AKT3: variants seen among roughly 807,000 people sequenced by gnomAD.
The protein encoded by AKT3 is RAC-gamma serine/threonine-protein kinase.
AKT3 carries 15 observed loss-of-function variants against 65.3 expected under a neutral mutation model. The ratio of observed to expected loss-of-function variants is 0.23; its 90% CI spans 0.15 to 0.35. The LOEUF (loss-of-function observed/expected upper bound fraction) is 0.35, where lower values mean the gene tolerates loss of function less well. Among genes scored for constraint, AKT3 ranks in the 10% least tolerant of loss-of-function variants. The probability of loss-of-function intolerance (pLI) is 1.00; values close to 1 mark genes in which losing one functional copy is unlikely to be tolerated. For missense variants in AKT3, 243 were observed against 576.5 expected, an observed-to-expected ratio of 0.42 and a Z score of 5.92; for synonymous variants, 206 against 183.8, an observed-to-expected ratio of 1.12 and a Z score of -0.98.
chr1:243,653,744 A>T (rs1681553244), intron 4 of AKT3, among the ~76,000 whole-genome samples: 1 of 152,178 alleles, frequency 6.6e-6, no homozygotes, highest in South Asian at 2.1e-4. Flanking sequence ...TAATTCTGTT[A>T]CATGTGTTGA....
intron 8 of AKT3, among the ~76,000 whole-genome samples, chr1:243,583,195 T>TATATATACACACACAC (rs759291565): frequency 1.6e-4 from 14 of 88,276 alleles, no homozygotes; most frequent in African/African-American, 6.6e-4. Flanking sequence ...TATATATATA[T>TATATATACACACACAC]ACACACACAC....
At chr1:243,840,729 A>C (rs933595454) in intron 2 of AKT3, among the ~76,000 whole-genome samples, 3 of 150,946 alleles carry the variant, frequency 2.0e-5, no homozygotes, top group Non-Finnish European at 4.4e-5. Flanking sequence ...TTTTTTTTAC[A>C]ACTTATAAAG....
At chr1:243,596,307 G>A (rs1676609650) in intron 8 of AKT3, among the ~76,000 whole-genome samples, 1 of 152,040 alleles carries the variant, frequency 6.6e-6, no homozygotes, top group Non-Finnish European at 1.5e-5. Context: ...AAATGAAAAG[G>A]CAAGCTACAG....
chr1:243,789,450 T>C (rs908856044), intron 2 of AKT3, among the ~76,000 whole-genome samples: 1 of 152,256 alleles, frequency 6.6e-6, no homozygotes, highest in African/African-American at 2.4e-5. Flanking sequence ...TGTTTTATCA[T>C]AATACTGCAA....
chr1:243,784,963 G>C (rs1195646242), intron 2 of AKT3, among the ~76,000 whole-genome samples: 1 of 151,726 alleles, frequency 6.6e-6, no homozygotes, highest in African/African-American at 2.4e-5. Context: ...ACAGTCTCAC[G>C]ATATTGCCCA....
At chr1:243,774,278 G>A (rs917175285) in intron 2 of AKT3, among the ~76,000 whole-genome samples, 3 of 152,076 alleles carry the variant, frequency 2.0e-5, no homozygotes, top group African/African-American at 7.2e-5. Context: ...TTTCCACATA[G>A]TTCCACATTT....
At chr1:243,833,720 C>G (rs1377321490) in intron 2 of AKT3, among the ~76,000 whole-genome samples, 1 of 151,454 alleles carries the variant, frequency 6.6e-6, no homozygotes, top group Non-Finnish European at 1.5e-5. Flanking sequence ...AAAAAAACCA[C>G]AATTATCAAA....
intron 2 of AKT3, among the ~76,000 whole-genome samples, chr1:243,829,885 C>CCCCT (rs1332668786): frequency 2.0e-5 from 3 of 152,274 alleles, no homozygotes; most frequent in African/African-American, 7.2e-5. Context: ...GCACCGAAGG[C>CCCCT]CCCTACAGTG....
intron 2 of AKT3, among the ~76,000 whole-genome samples, chr1:243,772,348 A>G (rs567951891): frequency 6.6e-6 from 1 of 152,260 alleles, no homozygotes; most frequent in African/African-American, 2.4e-5. Context: ...TACAAGAAAA[A>G]AACAACCCCA....
At chr1:243,696,144 T>C (rs1364702547) in intron 2 of AKT3, among the ~76,000 whole-genome samples, 1 of 151,612 alleles carries the variant, frequency 6.6e-6, no homozygotes, top group Non-Finnish European at 1.5e-5. Context: ...ACTAATTGTG[T>C]CTTTTTTTTT....
At chr1:243,690,850 G>C (rs745455936) in intron 3 of AKT3, among the ~76,000 whole-genome samples, 17 of 152,102 alleles carry the variant, frequency 1.1e-4, no homozygotes, top group Admixed American at 6.5e-4. Context: ...ATTTCTAAAG[G>C]CTTCATTTTT....
chr1:243,635,741 A>C (rs1679927635), intron 6 of AKT3, among the ~76,000 whole-genome samples: 1 of 152,044 alleles, frequency 6.6e-6, no homozygotes, highest in Non-Finnish European at 1.5e-5. Flanking sequence ...CACAGTAGAC[A>C]CCACTGTAGT....
chr1:243,805,435 T>A (rs757578968), intron 2 of AKT3, among the ~76,000 whole-genome samples: 5 of 152,118 alleles, frequency 3.3e-5, no homozygotes, highest in Non-Finnish European at 7.4e-5. Flanking sequence ...TTAAAAAAAA[T>A]ATTTCACTTA....
intron 3 of AKT3, among the ~76,000 whole-genome samples, chr1:243,689,456 T>C (rs1026745948): frequency 1.3e-5 from 2 of 150,960 alleles, no homozygotes; most frequent in African/African-American, 2.4e-5. Flanking sequence ...ATATTTAAAA[T>C]CTCTGTATAT....
chr1:243,728,328 T>C (rs1687342154), intron 2 of AKT3, among the ~76,000 whole-genome samples: 1 of 152,220 alleles, frequency 6.6e-6, no homozygotes, highest in Admixed American at 6.5e-5. Context: ...ATCCTTGCTT[T>C]CTTCCCTCCA....
In AKT3 at chr1:243,660,769, T is replaced by C. The variant is rs532685215; in HGVS notation, c.284+4003A>G. ...TCAATCAGGAAAAGAGGAAGTCAAA[T>C]TGTCCCTGTTTGCAGATGACATGAT... On this transcript the variant is annotated intron_variant, in intron 4 of 13. Transcript: ENST00000673466. Among the ~76,000 whole-genome samples the C allele has an allele frequency of 4.3e-3, 659 of 152,294 alleles. 5 individuals are homozygous for C. Among genetic ancestry groups the C allele is most frequent in the Middle Eastern group, 0.01 (3 of 294 alleles).
At chr1:243,661,505 T>C (rs1474352089) in intron 4 of AKT3, among the ~76,000 whole-genome samples, 2 of 150,178 alleles carry the variant, frequency 1.3e-5, no homozygotes, top group Non-Finnish European at 3.0e-5. Context: ...TAGCCATATG[T>C]AGAAAGCTGA....
At chr1:243,658,831 A>G (rs1193985526) in intron 4 of AKT3, among the ~76,000 whole-genome samples, 2 of 150,150 alleles carry the variant, frequency 1.3e-5, no homozygotes, top group African/African-American at 4.9e-5. Flanking sequence ...AGTTCCAGAC[A>G]AGCCCTGGCA....
intron 10 of AKT3, among the ~76,000 whole-genome samples, chr1:243,556,936 T>A (rs1673448624): frequency 6.6e-6 from 1 of 152,188 alleles, no homozygotes. Flanking sequence ...ATATATATTT[T>A]ATAACTATTT....
Sources: allele counts gnomAD v4.1 joint callset (sites outside exome capture counted in the v4.1 genomes callset), GRCh38; gene constraint gnomAD v4.1.1; transcripts MANE v1.5; gene names NCBI Gene and HGNC (gene_info 2026-07-23, HGNC 2026-07-21).